MMP26: variants seen among roughly 807,000 people sequenced by gnomAD.
MMP26 encodes the protein matrix metalloproteinase-26.
In MMP26, 33 loss-of-function variants were observed where a neutral mutation model predicts 31.0. The observed-to-expected ratio is 1.06, with a 90% confidence interval of 0.81 to 1.42. The LOEUF (loss-of-function observed/expected upper bound fraction) is 1.42. Among genes scored for constraint, MMP26 ranks in the 40% most tolerant of loss-of-function variants. The pLI is 0.00. For synonymous variants in MMP26, 122 were observed against 114.9 expected (o/e 1.06, Z -0.40); for missense variants, 347 against 316.1 (o/e 1.10, Z -0.74).
At chr11:4,788,067 A>G (rs1848972870) in intron 2 of MMP26, among the ~76,000 whole-genome samples, 1 of 152,210 alleles carries the variant, frequency 6.6e-6, no homozygotes, top group African/African-American at 2.4e-5. Flanking sequence ...TAGAAGATAC[A>G]GTTAGTGCCA....
intron 1 of MMP26, among the ~76,000 whole-genome samples, chr11:4,720,731 T>C (rs1259814679): frequency 6.6e-6 from 1 of 152,146 alleles, no homozygotes; most frequent in East Asian, 1.9e-4. Flanking sequence ...TTGGTTCTGG[T>C]ACCTTAGGAG....
intron 2 of MMP26, among the ~76,000 whole-genome samples, chr11:4,968,725 A>G (rs1417360410): frequency 2.0e-5 from 3 of 151,972 alleles, no homozygotes; most frequent in Non-Finnish European, 4.4e-5. Flanking sequence ...TTTGTCTTGC[A>G]TCTGTATAAT....
chr11:4,825,891 T>A (rs1257422793), intron 2 of MMP26, among the ~76,000 whole-genome samples: 1 of 151,960 alleles, frequency 6.6e-6, no homozygotes, highest in East Asian at 1.9e-4. Flanking sequence ...TTAATCAGGG[T>A]TCAATCAAAA....
chr11:4,833,971 A>G (rs1263723807), intron 2 of MMP26, among the ~76,000 whole-genome samples: 1 of 152,162 alleles, frequency 6.6e-6, no homozygotes, highest in Non-Finnish European at 1.5e-5. Context: ...TCCTGACAAC[A>G]AAGTACTCTG....
chr11:4,957,871 G>T (rs555643411), intron 2 of MMP26, among the ~76,000 whole-genome samples: 2 of 152,060 alleles, frequency 1.3e-5, no homozygotes, highest in Non-Finnish European at 2.9e-5. Flanking sequence ...GTAGAGATGG[G>T]GTTTTGCCAT....
chr11:4,757,230 G>C (rs1165699892), intron 1 of MMP26, among the ~76,000 whole-genome samples: 1 of 151,744 alleles, frequency 6.6e-6, no homozygotes, highest in Non-Finnish European at 1.5e-5. Context: ...ATGAGAGAAA[G>C]GATAGACTTT....
At chr11:4,877,509 G>C (rs986291786) in intron 2 of MMP26, 1 of 152,152 alleles carries the variant, frequency 6.6e-6, no homozygotes, top group African/African-American at 2.4e-5. Context: ...GCCCTTAATG[G>C]CATCTACTAT....
chr11:4,878,016 A>G (rs1850407928), intron 2 of MMP26: 4 of 152,164 alleles, frequency 2.6e-5, no homozygotes, highest in African/African-American at 4.8e-5. Flanking sequence ...TATGCTTCCC[A>G]TCTGTGGTCA....
At chr11:4,930,982 A>C (rs1851338768) in intron 2 of MMP26, among the ~76,000 whole-genome samples, 1 of 152,054 alleles carries the variant, frequency 6.6e-6, no homozygotes, top group Non-Finnish European at 1.5e-5. Context: ...GTATAGATAC[A>C]ACTAAAGATA....
chr11:4,983,686 A>G (rs925370005), intron 2 of MMP26, among the ~76,000 whole-genome samples: 1 of 152,210 alleles, frequency 6.6e-6, no homozygotes, highest in Non-Finnish European at 1.5e-5. Context: ...GATTTTAAAA[A>G]TAATATATAA....
intron 2 of MMP26, among the ~76,000 whole-genome samples, chr11:4,970,571 A>T (rs571974444): frequency 1.3e-5 from 2 of 152,286 alleles, no homozygotes; most frequent in Admixed American, 6.5e-5. Flanking sequence ...TTTATTGTGG[A>T]GGCTGTGGTG....
At chr11:4,796,921 C>A (rs1770150325) in intron 2 of MMP26, among the ~76,000 whole-genome samples, 1 of 152,020 alleles carries the variant, frequency 6.6e-6, no homozygotes. Context: ...AGTTCATAAA[C>A]AACAGTGCAC....
chr11:4,895,168 A>T (rs1413010126), intron 2 of MMP26, among the ~76,000 whole-genome samples: 1 of 152,214 alleles, frequency 6.6e-6, no homozygotes, highest in Non-Finnish European at 1.5e-5. Context: ...TACTACTAAC[A>T]AGTATTAAAA....
chr11:4,880,118 G>T (rs964803611), intron 2 of MMP26, among the ~76,000 whole-genome samples: 4 of 152,016 alleles, frequency 2.6e-5, no homozygotes, highest in Admixed American at 6.6e-5. Context: ...GTTGCTGATG[G>T]GTTCCATCAC....
chr11:4,819,987 A>G (rs1321150396), intron 2 of MMP26, among the ~76,000 whole-genome samples: 1 of 152,110 alleles, frequency 6.6e-6, no homozygotes, highest in Non-Finnish European at 1.5e-5. Context: ...TATTAAGACT[A>G]CTTTCCAGAG....
chr11:4,971,065 A>G (rs1002378037), intron 2 of MMP26, among the ~76,000 whole-genome samples: 5 of 152,186 alleles, frequency 3.3e-5, no homozygotes, highest in African/African-American at 1.2e-4. Flanking sequence ...CTCACAAACC[A>G]TCATGAAAAA....
At chr11:4,974,957 G>T (rs762367553) in intron 2 of MMP26, among the ~76,000 whole-genome samples, 59 of 151,966 alleles carry the variant, frequency 3.9e-4, no homozygotes, top group Non-Finnish European at 6.6e-4. Flanking sequence ...CCTGTCAGGG[G>T]TTGAGGTGGG....
intron 4 of MMP26, 57 bp from the exon 5 acceptor site, chr11:4,990,541 G>A: frequency 6.7e-7 from 1 of 1,493,096 alleles, no homozygotes. Context: ...TTCATGTTTA[G>A]AGCTAGGATA....
chr11:4,896,153 A>G (rs543846675), intron 2 of MMP26, among the ~76,000 whole-genome samples: 2 of 152,208 alleles, frequency 1.3e-5, no homozygotes, highest in African/African-American at 2.4e-5. Context: ...TTCTTAGAGC[A>G]CTCATATTTC....
Sources: gnomAD v4.1 joint callset for allele counts (sites outside exome capture counted in the v4.1 genomes callset) on GRCh38, gnomAD v4.1.1 for gene constraint, MANE v1.5 for transcripts, NCBI Gene and HGNC (gene_info 2026-07-23, HGNC 2026-07-21) for gene names.